The following BDH2 variants were observed in gnomAD, a reference collection of about 807,000 sequenced individuals.
The protein encoded by BDH2 is dehydrogenase/reductase SDR family member 6.
In BDH2, 24 loss-of-function variants were observed where a neutral mutation model predicts 33.2. That is an observed-to-expected ratio of 0.72 (90% CI 0.52 to 1.02). BDH2 has a LOEUF of 1.02. Ranked by LOEUF, BDH2 falls within the 50% of genes least tolerant of loss-of-function variation. The probability of loss-of-function intolerance (pLI) is 0.00; values close to 1 mark genes in which losing one functional copy is unlikely to be tolerated. For missense variants in BDH2, 249 were observed against 301.6 expected (o/e 0.83, Z 1.29); for synonymous variants, 81 against 101.6 (o/e 0.80, Z 1.22).
chr4:103,086,580 T>C, intron 5 of BDH2, 40 bp from the exon 6 acceptor site: 1 of 1,555,850 alleles, frequency 6.4e-7, no homozygotes, highest in Non-Finnish European at 8.7e-7. Flanking sequence ...AAAAATCCAC[T>C]TTGTGGGCTA....
intron 7 of BDH2, among the ~76,000 whole-genome samples, chr4:103,083,594 T>C (rs1461597277): frequency 1.3e-5 from 2 of 152,236 alleles, no homozygotes; most frequent in Non-Finnish European, 1.5e-5. Flanking sequence ...AAATTCCACT[T>C]AGTTTATGGT....
chr4:103,085,755 C>T (rs545427236), intron 6 of BDH2: 128 of 1,356,774 alleles, frequency 9.4e-5, no homozygotes, highest in African/African-American at 2.0e-4. Context: ...TAGGCAGATT[C>T]CAAAAGAAAA....
chr4:103,085,597 T>C lies in BDH2; in HGVS notation c.419-135A>G, dbSNP rs192977097. 7.8e-3 allele frequency: 11,228 copies of C among 1,444,338 alleles called. 54 individuals carry two copies. The highest frequency in any genetic ancestry group is 9.6e-3 in the Non-Finnish European group (10,230 of 1,068,568). The allele number at this position is 1,444,338 out of a possible 1,614,324, so 89.5% of individuals were successfully genotyped here. ...ATTCCTCCCCTTTTAAAAAGATTGATATCAGATTTTTTTCCTTCAATAGAG... is the reference window on the plus strand; with the variant it reads ...ATTCCTCCCCTTTTAAAAAGATTGACATCAGATTTTTTTCCTTCAATAGAG... On this transcript the variant is annotated intron_variant, in intron 6 of 9. Transcript: ENST00000296424.
intron 5 of BDH2, among the ~76,000 whole-genome samples, chr4:103,087,219 G>A (rs1004564904): frequency 6.6e-6 from 1 of 152,216 alleles, no homozygotes; most frequent in Non-Finnish European, 1.5e-5. Flanking sequence ...AGGAGGGGCT[G>A]GGTCTGGCTG....
intron 9 of BDH2, among the ~76,000 whole-genome samples, chr4:103,080,769 C>A (rs1578497417): frequency 6.6e-6 from 1 of 152,192 alleles, no homozygotes; most frequent in Non-Finnish European, 1.5e-5. Flanking sequence ...TAAGCTCTGG[C>A]TAACTAAGGG....
At chr4:103,095,971 T>C (rs1421337409) in intron 2 of BDH2, among the ~76,000 whole-genome samples, 3 of 152,232 alleles carry the variant, frequency 2.0e-5, no homozygotes, top group Non-Finnish European at 4.4e-5. Context: ...TGTCATGTAC[T>C]AAATATGAGG....
chr4:103,097,084 T>G (rs913925116), intron 1 of BDH2, among the ~76,000 whole-genome samples: 10 of 151,896 alleles, frequency 6.6e-5, no homozygotes, highest in Non-Finnish European at 1.2e-4. Flanking sequence ...ATAGTTGGTC[T>G]CAGATATTCA....
chr4:103,099,259 T>C (rs1005341502), intron 1 of BDH2: 4 of 152,166 alleles, frequency 2.6e-5, no homozygotes, highest in African/African-American at 9.7e-5. Flanking sequence ...CAGAGCAGCC[T>C]TTCTATGCAC....
chr4:103,085,485 A>G, intron 6 of BDH2, 23 bp from the exon 7 acceptor site: 2 of 1,584,262 alleles, frequency 1.3e-6, no homozygotes, highest in Non-Finnish European at 1.7e-6. Flanking sequence ...GAAAGGTTCA[A>G]CAATTGAAGG....
At chr4:103,090,848 C>T (rs968338394) in intron 5 of BDH2, among the ~76,000 whole-genome samples, 3 of 152,136 alleles carry the variant, frequency 2.0e-5, no homozygotes, top group African/African-American at 7.2e-5. Context: ...GCCACATATT[C>T]TATGTCTATT....
chr4:103,082,017 G>C (rs1747548034), intron 9 of BDH2, 64 bp downstream of exon 9: 1 of 1,307,610 alleles, frequency 7.6e-7, no homozygotes. Flanking sequence ...ATATTATTTT[G>C]ATGAGCAAAT....
At chr4:103,089,108 G>A (rs1031062445) in intron 5 of BDH2, among the ~76,000 whole-genome samples, 1 of 152,156 alleles carries the variant, frequency 6.6e-6, no homozygotes. Context: ...TTTCCTATGA[G>A]TGTTCCTATG....
chr4:103,095,102 G>A, intron 3 of BDH2, 101 bp downstream of exon 3: 3 of 855,882 alleles, frequency 3.5e-6, no homozygotes, highest in African/African-American at 1.7e-5. Context: ...GCACGGCAGT[G>A]GAGCTCAGTA....
At chr4:103,085,840 T>G in intron 6 of BDH2, 7 of 1,263,410 alleles carry the variant, frequency 5.5e-6, no homozygotes, top group Non-Finnish European at 7.1e-6. Flanking sequence ...TTGTGTATGT[T>G]GAATATGTGT....
chr4:103,083,954 G>A (rs1018010669), intron 7 of BDH2, among the ~76,000 whole-genome samples: 8 of 152,190 alleles, frequency 5.3e-5, no homozygotes, highest in Non-Finnish European at 1.5e-5. Flanking sequence ...GCACTTTCAA[G>A]ACTCTGGGTA....
At chr4:103,080,591 A>G (rs551283798) in intron 9 of BDH2, among the ~76,000 whole-genome samples, 22 of 152,350 alleles carry the variant, frequency 1.4e-4, no homozygotes, top group Non-Finnish European at 3.1e-4. Flanking sequence ...ACAGTAGGTG[A>G]ACTAGGGAGT....
At chr4:103,092,717 C>T in intron 3 of BDH2, 21 bp from the exon 4 acceptor site, 1 of 1,531,552 alleles carries the variant, frequency 6.5e-7, no homozygotes, top group Non-Finnish European at 9.0e-7. Flanking sequence ...AAACAAGAGG[C>T]ACTATTCCTA....
chr4:103,094,208 C>G (rs1578509641), intron 3 of BDH2, among the ~76,000 whole-genome samples: 1 of 152,268 alleles, frequency 6.6e-6, no homozygotes, highest in Admixed American at 6.5e-5. Context: ...CATGTGGCTA[C>G]TGAGCACCTG....
In BDH2 at chr4:103,082,122, C is replaced by T. The variant is rs1747553792; in HGVS notation, c.643G>A (p.Glu215Lys). ...TACACGCAGAGCATGGCTATTTCTT[C>T]TGCAGTTGCGAATCTTCCCGTCTTT... Reference protein sequence around the residue: ...RQKTGRFATAEEIAMLCVYLA... With the variant: ...RQKTGRFATAKEIAMLCVYLA... Residue 215 changes from glutamate to lysine, a missense_variant, in exon 9 of 10, where the codon GAA becomes AAA. Transcript: ENST00000296424. 1 of 1,614,078 alleles carries T rather than the reference C, an allele frequency of 6.2e-7. No individual in the cohort carries two copies. Among genetic ancestry groups the T allele is most frequent in the Non-Finnish European group, 8.5e-7 (1 of 1,180,032 alleles).
Sources: gnomAD v4.1 joint callset for allele counts (sites outside exome capture counted in the v4.1 genomes callset) on GRCh38, gnomAD v4.1.1 for gene constraint, MANE v1.5 for transcripts, NCBI Gene and HGNC (gene_info 2026-07-23, HGNC 2026-07-21) for gene names.